C8G: variants seen among roughly 807,000 people sequenced by gnomAD.
The protein encoded by C8G is complement C8 gamma chain.
C8G carries 38 observed loss-of-function variants against 29.1 expected under a neutral mutation model. The observed-to-expected ratio is 1.31, with a 90% confidence interval of 1.01 to 1.71. The LOEUF is 1.71. C8G is among the 40% of genes most tolerant of loss of function. C8G has a pLI of 0.00. For synonymous variants in C8G, 158 were observed against 113.2 expected, an observed-to-expected ratio of 1.40 and a Z score of -2.51; for missense variants, 300 against 267.4, an observed-to-expected ratio of 1.12 and a Z score of -0.85.
At chr9:136,946,233 GCT>G in intron 4 of C8G, 41 bp downstream of exon 4, 1 of 1,504,102 alleles carries the variant, frequency 6.6e-7, no homozygotes, top group Non-Finnish European at 9.0e-7. Context: ...AGGCGCTCAA[GCT>G]CTGCACACTC....
Position 136,946,874 on chromosome 9 carries a change from C to A in C8G, c.*93C>A. The A allele has an allele frequency of 1.4e-6, 2 of 1,478,250 alleles. No homozygotes were observed. The highest frequency in any genetic ancestry group is 1.8e-6 in the Non-Finnish European group (2 of 1,094,606). The allele number at this position is 1,478,250 out of a possible 1,614,324, so 91.6% of individuals were successfully genotyped here. Reference sequence around the variant, plus strand: ...GCTGCCTGTCCTCCGTGAAACCAGCCTCAGATCAGGGCCCTGCCACCCAGG... The same window carrying A: ...GCTGCCTGTCCTCCGTGAAACCAGCATCAGATCAGGGCCCTGCCACCCAGG... On this transcript the variant is annotated 3_prime_UTR_variant, in exon 7 of 7. Transcript: ENST00000371634.
chr9:136,946,731 G>A, intron 6 of C8G, 37 bp from the exon 7 acceptor site: 1 of 1,609,364 alleles, frequency 6.2e-7, no homozygotes, highest in Admixed American at 1.7e-5. Context: ...TGGTGAGGGG[G>A]GCCACTGCCA....
At position 136,946,574 on chromosome 9, in the gene C8G, T is replaced by A. The variant is rs777403421; in HGVS notation, c.556+8T>A. ...TCTACTTCCCCAAGTACGGTGAGTG[T>A]CCCCAGCAGGTCCCCAGCTCAGCCA... On this transcript the variant is annotated splice_region_variant and intron_variant, in intron 5 of 6. Coordinates refer to ENST00000371634, the MANE Select transcript of C8G (RefSeq NM_000606.3). 27 of 1,612,558 alleles carry A rather than the reference T, an allele frequency of 1.7e-5. No homozygotes were observed. In the East Asian group the frequency reaches 3.6e-4, roughly 21 times the overall value.
chr9:136,946,179 A>G lies in C8G; in HGVS notation c.441A>G (p.Ser147=), dbSNP rs1347198412. The change falls in exon 4 of 7, where the codon TCA becomes TCG. Residue 147 remains serine (S), a synonymous_variant. Transcript: ENST00000371634. Reference sequence around the variant, plus strand: ...ACCTGGAGCGGGCGGGGCAGCTGTCAGTGAAGCTCTACGGTATGTGGGGGC... The same window carrying G: ...ACCTGGAGCGGGCGGGGCAGCTGTCGGTGAAGCTCTACGGTATGTGGGGGC... The part of the protein sequence containing the change: ...VLYLERAGQL[S]VKLYARSLPV... The G allele has an allele frequency of 1.9e-6, 3 of 1,562,642 alleles. No individual in the cohort carries two copies. Among genetic ancestry groups the G allele is most frequent in the Non-Finnish European group, 2.6e-6 (3 of 1,152,834 alleles).
At chr9:136,946,442 C>A in intron 4 of C8G, 23 bp from the exon 5 acceptor site, 1 of 1,570,450 alleles carries the variant, frequency 6.4e-7, no homozygotes, top group East Asian at 2.3e-5. Flanking sequence ...GCCAGGACCC[C>A]AGGAACCCTG....
rs140338586 is a variant in C8G, at chr9:136,945,670, G to C, written c.175G>C (p.Ala59Pro). 3 of 1,607,638 alleles carry C rather than the reference G, an allele frequency of 1.9e-6. No individual in the cohort carries two copies. Among genetic ancestry groups the C allele is most frequent in the African/African-American group, 2.7e-5 (2 of 74,860 alleles). Residue 59 changes from alanine (A) to proline (P), a missense_variant, in exon 2 of 7, where the codon GCT (alanine) becomes CCT (proline). Ala to Pro is a conservative substitution (Grantham distance 27). Transcript: ENST00000371634. ...GTWLLVAVGS[A>P]CRFLQEQGHR... ...CTGGCTCCTTGTGGCTGTGGGCTCC[G>C]CTTGCCGTTTCCTGCAGGAGCAGGG...
rs1851033849 is a variant in C8G at position 136,946,210 on chromosome 9, T to C, written c.454+18T>C. ...GCTCTACGGTATGTGGGGGCCAGCC[T>C]CTGTGACCAGGCAGGCGCTCAAGCT... On this transcript the variant is annotated intron_variant, in intron 4 of 6. Coordinates refer to ENST00000371634, the MANE Select transcript of C8G (RefSeq NM_000606.3). The C allele has an allele frequency of 1.9e-6, 3 of 1,540,458 alleles. No individual in the cohort carries two copies. The Admixed American group carries it at 6.1e-5, about 31-fold the overall frequency.
In C8G at chr9:136,945,995, T is replaced by C; in HGVS notation, c.342T>C (p.Leu114=). Residue 114 remains leucine, a synonymous_variant, in exon 3 of 7, where the codon CTT becomes CTC. Transcript: ENST00000371634. Reference sequence around the variant, plus strand: ...CAGGGGTCCTCGGCCGCTTCCTGCTTCAAGGTGAGGCAGGGGCTGCAGGGC... The same window carrying C: ...CAGGGGTCCTCGGCCGCTTCCTGCTCCAAGGTGAGGCAGGGGCTGCAGGGC... ...GDTGVLGRFL[L]QARDARGAVH... 1 of 1,585,956 alleles carries C rather than the reference T, an allele frequency of 6.3e-7. No individual in the cohort carries two copies. Among genetic ancestry groups the C allele is most frequent in the Non-Finnish European group, 8.6e-7 (1 of 1,166,104 alleles).
chr9:136,945,467 TGG>T lies in C8G; in HGVS notation c.138+16_138+17del. 1 of 1,543,358 alleles carries T rather than the reference TGG, an allele frequency of 6.5e-7. No homozygotes were observed. ...ATTTTGATGCTCAGCAGGTAGAAGT[TGG>T]GGGGGGTAGAGGGAGGCAGGTAGAA... On this transcript the variant is annotated intron_variant, in intron 1 of 6. Transcript: ENST00000371634.
chr9:136,946,668 G>C lies in C8G; in HGVS notation c.574G>C (p.Asp192His), dbSNP rs533270288. The stretch of plus-strand genomic sequence containing the variant: ...GCCCCCAGGCTTCTGCGAGGCTGCA[G>C]ACCAGTTCCACGTCCTGGACGGTGA... ...FPKYGFCEAA[D>H]QFHVLDEVRR is the part of the protein sequence containing the mutation. The change falls in exon 6 of 7, where the codon GAC becomes CAC. Residue 192 changes from aspartate to histidine, a missense_variant. Transcript: ENST00000371634. 2.4e-5 allele frequency: 38 copies of C among 1,612,976 alleles called. No individual in the cohort carries two copies. The South Asian group carries it at 4.2e-4, about 18-fold the overall frequency.
In C8G at chr9:136,946,166, C is replaced by T. The variant is rs369304536; in HGVS notation, c.428C>T (p.Ala143Val). The T allele has an allele frequency of 1.5e-5, 24 of 1,566,744 alleles. No homozygotes were observed. The highest frequency in any genetic ancestry group is 1.7e-4 in the Middle Eastern group (1 of 5,858). The change falls in exon 4 of 7, where the codon GCG becomes GTG. Residue 143 changes from alanine (A) to valine (V), a missense_variant. Coordinates refer to ENST00000371634, the MANE Select transcript of C8G (RefSeq NM_000606.3). ...TTCGCTGTCCTGTACCTGGAGCGGG[C>T]GGGGCAGCTGTCAGTGAAGCTCTAC... ...QSFAVLYLER[A>V]GQLSVKLYAR...
chr9:136,946,601 C>T (rs371113578), intron 5 of C8G, 35 bp downstream of exon 5: 1 of 1,612,614 alleles, frequency 6.2e-7, no homozygotes. Context: ...GCTCAGCCAC[C>T]CCCACTCTCT....
At position 136,946,780 on chromosome 9, in the gene C8G, G is replaced by A. The variant is rs1469721116; in HGVS notation, c.608G>A (p.Ter203=). ...QFHVLDEVRR[*] ...GTCTCTGCTGCAGAAGTGAGGAGGT[G>A]AGGCCGGCACACAGCTCCAGTGCTG... The change falls in exon 7 of 7, where the codon TGA becomes TAA. Residue 203 remains the stop codon, a stop_retained_variant. Transcript: ENST00000371634. 3 of 1,589,418 alleles carry A rather than the reference G, an allele frequency of 1.9e-6. No homozygotes were observed. The highest frequency in any genetic ancestry group is 1.7e-5 in the Admixed American group (1 of 57,328).
In C8G at chr9:136,945,452, T is replaced by G. The variant is rs2071006; in HGVS notation, c.132T>G (p.Ala44=). The change falls in exon 1 of 7, where the codon GCT becomes GCG. Residue 44 remains alanine, a synonymous_variant. Transcript: ENST00000371634. ...TCCAGCCCAAGGCCAATTTTGATGC[T>G]CAGCAGGTAGAAGTTGGGGGGGGTA... ...STIQPKANFD[A]QQFAGTWLLV... 0.53 allele frequency: 834,942 copies of G among 1,569,422 alleles called. 224,085 individuals carry two copies. Among genetic ancestry groups the G allele is most frequent in the East Asian group, 0.73 (30,936 of 42,552 alleles).
Position 136,946,016 on chromosome 9 carries a change from A to C in C8G, c.346+17A>C. On this transcript the variant is annotated intron_variant, in intron 3 of 6. Coordinates refer to ENST00000371634, the MANE Select transcript of C8G (RefSeq NM_000606.3). ...TGCTTCAAGGTGAGGCAGGGGCTGC[A>C]GGGCATGTGGGTGGGGGATGACGCA... The C allele has an allele frequency of 6.3e-7, 1 of 1,592,776 alleles. No individual in the cohort carries two copies. The highest frequency in any genetic ancestry group is 2.3e-5 in the East Asian group (1 of 43,952).
At chr9:136,945,573 A>G in intron 1 of C8G, 61 bp from the exon 2 acceptor site, 8 of 1,582,324 alleles carry the variant, frequency 5.1e-6, no homozygotes, top group Non-Finnish European at 6.9e-6. Flanking sequence ...GGGGGTGTAG[A>G]GGGAAGCAGG....
Position 136,945,965 on chromosome 9 carries a change from A to C in C8G, c.312A>C (p.Gly104=). The change falls in exon 3 of 7, where the codon GGA becomes GGC. Residue 104 remains glycine (G), a synonymous_variant. Coordinates refer to ENST00000371634, the MANE Select transcript of C8G (RefSeq NM_000606.3). Reference sequence around the variant, plus strand: ...GCTGGCAGGTGCGCCAGCTCTATGGAGACACAGGGGTCCTCGGCCGCTTCC... The same window carrying C: ...GCTGGCAGGTGCGCCAGCTCTATGGCGACACAGGGGTCCTCGGCCGCTTCC... ...GICWQVRQLY[G]DTGVLGRFLL... The C allele has an allele frequency of 6.4e-7, 1 of 1,573,416 alleles. No homozygotes were observed. The highest frequency in any genetic ancestry group is 8.6e-7 in the Non-Finnish European group (1 of 1,159,678).
rs781225946 is a variant in C8G at position 136,945,626 on chromosome 9, G to GC, written c.139-3dup. On this transcript the variant is annotated splice_polypyrimidine_tract_variant and splice_region_variant and intron_variant, in intron 1 of 6. Coordinates refer to ENST00000371634, the MANE Select transcript of C8G (RefSeq NM_000606.3). ...GTGCCCTCGAGTTCTCCCATGGTCT[G>GC]CCCCCAGTTTGCAGGGACCTGGCTC... 6.2e-7 allele frequency: 1 copy of GC among 1,608,706 alleles called. No individual in the cohort carries two copies. Among genetic ancestry groups the GC allele is most frequent in the Non-Finnish European group, 8.5e-7 (1 of 1,178,268 alleles).
In C8G at chr9:136,945,709, G is replaced by T. The variant is rs2131366849; in HGVS notation, c.214G>T (p.Ala72Ser). Residue 72 changes from alanine (A) to serine (S), a missense_variant, in exon 2 of 7, where the codon GCC becomes TCC. Transcript: ENST00000371634. The part of the protein sequence containing the change: ...FLQEQGHRAE[A>S]TTLHVAPQGT... ...GCAGGAGCAGGGCCACCGGGCCGAG[G>T]CCACCACACTGCATGTGGCTCCCCA... 6.3e-7 allele frequency: 1 copy of T among 1,590,388 alleles called. No individual in the cohort carries two copies.
Sources: gnomAD v4.1 joint callset for allele counts on GRCh38, gnomAD v4.1.1 for gene constraint, MANE v1.5 for transcripts, NCBI Gene and HGNC (gene_info 2026-07-23, HGNC 2026-07-21) for gene names.